The following ATF7IP variants were observed in gnomAD, a reference collection of about 807,000 sequenced individuals.
The protein encoded by ATF7IP is activating transcription factor 7 interacting protein.
Under a neutral mutation model 106.4 loss-of-function variants are expected in ATF7IP, and 23 were observed. The observed-to-expected ratio is 0.22, with a 90% confidence interval of 0.16 to 0.31. ATF7IP has a LOEUF of 0.31. ATF7IP is among the 10% of genes least tolerant of loss of function. ATF7IP has a pLI of 1.00. For synonymous variants in ATF7IP, 542 were observed against 539.0 expected (o/e 1.01, Z -0.08); for missense variants, 1,334 against 1,524.3 (o/e 0.88, Z 2.08).
At chr12:14,482,209 C>G (rs1944454223) in intron 13 of ATF7IP, 1 of 152,158 alleles carries the variant, frequency 6.6e-6, no homozygotes, top group African/African-American at 2.4e-5. Flanking sequence ...TTCTATTAGT[C>G]ATTCTGCTTT....
chr12:14,449,352 C>T (rs937815353), intron 6 of ATF7IP, among the ~76,000 whole-genome samples: 6 of 151,940 alleles, frequency 3.9e-5, no homozygotes, highest in African/African-American at 4.8e-5. Flanking sequence ...CTTTCTTTTG[C>T]GTGTATATAT....
chr12:14,437,626 T>C (rs1942463253), intron 4 of ATF7IP, among the ~76,000 whole-genome samples: 1 of 152,202 alleles, frequency 6.6e-6, no homozygotes, highest in Non-Finnish European at 1.5e-5. Context: ...TTTCTATTTT[T>C]AGTATGTATT....
At chr12:14,448,238 G>C (rs1053404896) in intron 6 of ATF7IP, among the ~76,000 whole-genome samples, 6 of 152,038 alleles carry the variant, frequency 3.9e-5, no homozygotes, top group African/African-American at 1.4e-4. Context: ...ATAGTACATA[G>C]AGCCCTATGA....
At chr12:14,385,149 T>A in intron 1 of ATF7IP, 1 of 421,470 alleles carries the variant, frequency 2.4e-6, no homozygotes, top group Non-Finnish European at 4.2e-6. Flanking sequence ...GCATTGTTTG[T>A]TGCAGTATAT....
chr12:14,441,743 C>G (rs901681199), intron 5 of ATF7IP, among the ~76,000 whole-genome samples: 3 of 152,162 alleles, frequency 2.0e-5, no homozygotes, highest in Non-Finnish European at 4.4e-5. Flanking sequence ...CCCACCTCGG[C>G]CTCCCAAAGT....
intron 13 of ATF7IP, 144 bp downstream of exon 13, chr12:14,481,329 G>A: frequency 2.9e-6 from 2 of 687,832 alleles, no homozygotes; most frequent in Non-Finnish European, 4.8e-6. Flanking sequence ...CAAGAGATCT[G>A]TACTACAACA....
intron 5 of ATF7IP, among the ~76,000 whole-genome samples, chr12:14,440,619 G>T (rs1942651119): frequency 7.0e-6 from 1 of 142,548 alleles, no homozygotes; most frequent in African/African-American, 2.4e-5. Flanking sequence ...GTTTTTTTAT[G>T]GAAATAAAAT....
chr12:14,426,945 GC>G (rs1941885572), intron 2 of ATF7IP, among the ~76,000 whole-genome samples: 1 of 150,894 alleles, frequency 6.6e-6, no homozygotes, highest in African/African-American at 2.4e-5. Context: ...GATAGTATTT[GC>G]CCTCAGGATA....
chr12:14,496,605 A>G (rs1393905498), intron 14 of ATF7IP, among the ~76,000 whole-genome samples: 2 of 152,244 alleles, frequency 1.3e-5, no homozygotes, highest in South Asian at 2.1e-4. Context: ...GAAGTGAAAT[A>G]TAGACCATTT....
chr12:14,376,380 A>ATT (rs1938738410), intron 1 of ATF7IP, among the ~76,000 whole-genome samples: 1 of 152,124 alleles, frequency 6.6e-6, no homozygotes, highest in Non-Finnish European at 1.5e-5. Context: ...TTGTTAAATG[A>ATT]TTTTCCGATT....
intron 10 of ATF7IP, among the ~76,000 whole-genome samples, chr12:14,475,094 A>G (rs889225327): frequency 3.3e-5 from 5 of 152,236 alleles, no homozygotes; most frequent in African/African-American, 1.2e-4. Flanking sequence ...TGATCTCAGT[A>G]TAATATATCA....
intron 2 of ATF7IP, among the ~76,000 whole-genome samples, chr12:14,431,979 G>A (rs1235033669): frequency 2.6e-5 from 4 of 152,198 alleles, no homozygotes; most frequent in Non-Finnish European, 5.9e-5. Flanking sequence ...TGAATTCTGA[G>A]TGTTTTAAGT....
chr12:14,497,875 C>T lies in ATF7IP; in HGVS notation c.3615C>T (p.Pro1205=), dbSNP rs569913412. 2 of 1,614,142 alleles carry T rather than the reference C, an allele frequency of 1.2e-6. No homozygotes were observed. The highest frequency in any genetic ancestry group is 2.7e-5 in the African/African-American group (2 of 75,060). ...SYHLYAYHEE[P]SATVPSQWKK... The stretch of plus-strand genomic sequence containing the variant: ...ATCTCTATGCTTACCATGAGGAACC[C>T]AGTGCCACTGTGCCCTCACAATGGA... The change falls in exon 15 of 15, where the codon CCC becomes CCT. Residue 1205 remains proline, a synonymous_variant. Transcript: ENST00000261168.
At chr12:14,418,298 C>T (rs1021355010) in intron 1 of ATF7IP, among the ~76,000 whole-genome samples, 1 of 152,072 alleles carries the variant, frequency 6.6e-6, no homozygotes, top group Non-Finnish European at 1.5e-5. Context: ...TGACTCTCAT[C>T]CTCATGAAAA....
intron 1 of ATF7IP, among the ~76,000 whole-genome samples, chr12:14,374,129 ACT>A (rs1217764227): frequency 5.4e-5 from 8 of 149,230 alleles, no homozygotes; most frequent in African/African-American, 1.5e-4. Flanking sequence ...CTAGGGTCTC[ACT>A]CTGTCACTCC....
chr12:14,423,234 A>T (rs956856622), intron 1 of ATF7IP, among the ~76,000 whole-genome samples: 1 of 152,050 alleles, frequency 6.6e-6, no homozygotes, highest in Non-Finnish European at 1.5e-5. Flanking sequence ...GTGATTTATT[A>T]TTGAATTATA....
At chr12:14,437,228 A>T in intron 4 of ATF7IP, among the ~76,000 whole-genome samples, 1 of 152,180 alleles carries the variant, frequency 6.6e-6, no homozygotes, top group East Asian at 1.9e-4. Flanking sequence ...CTTCGATGAT[A>T]ACTAGTTTTT....
At chr12:14,422,647 T>C (rs911013316) in intron 1 of ATF7IP, among the ~76,000 whole-genome samples, 1 of 152,232 alleles carries the variant, frequency 6.6e-6, no homozygotes, top group Non-Finnish European at 1.5e-5. Context: ...AATTGAATCA[T>C]TCAGTATGTG....
rs572979202 is a variant in ATF7IP at position 14,417,383 on chromosome 12, C to G, written c.-7-6526C>G. On this transcript the variant is annotated intron_variant, in intron 1 of 14. Coordinates refer to ENST00000261168, the MANE Select transcript of ATF7IP (RefSeq NM_018179.5). Reference sequence around the variant, plus strand: ...AGCACAACACTTCATAATACTATCCCTAGTAATCCTTTGGGTCCAGAATAC... The same window carrying G: ...AGCACAACACTTCATAATACTATCCGTAGTAATCCTTTGGGTCCAGAATAC... Among the ~76,000 whole-genome samples, 13 of 152,200 alleles carry G rather than the reference C, an allele frequency of 8.5e-5. No homozygotes were observed. In the South Asian group the frequency reaches 2.7e-3, roughly 32 times the overall value.
Sources: gnomAD v4.1 joint callset for allele counts (sites outside exome capture counted in the v4.1 genomes callset) on GRCh38, gnomAD v4.1.1 for gene constraint, MANE v1.5 for transcripts, NCBI Gene and HGNC (gene_info 2026-07-23, HGNC 2026-07-21) for gene names.